PSTPIP1: variants seen among roughly 807,000 people sequenced by gnomAD.
PSTPIP1 encodes proline-serine-threonine phosphatase-interacting protein 1.
A neutral mutation model predicts 69.6 loss-of-function variants in PSTPIP1; 66 were observed. The observed-to-expected ratio is 0.95, with a 90% CI of 0.78 to 1.16. PSTPIP1 has a LOEUF of 1.16. Ranked by LOEUF, PSTPIP1 falls within the 50% of genes most tolerant of loss-of-function variation. The pLI is 0.00. For missense variants in PSTPIP1, 603 were observed against 557.4 expected (o/e 1.08, Z -0.82); for synonymous variants, 266 against 222.7 (o/e 1.19, Z -1.73).
chr15:77,030,347 C>T (rs532549063), intron 8 of PSTPIP1, among the ~76,000 whole-genome samples, 155 bp from the exon 9 acceptor site: 2 of 152,356 alleles, frequency 1.3e-5, no homozygotes, highest in Admixed American at 6.5e-5. Flanking sequence ...GTGGCCCTGA[C>T]GGGCATTCAG....
chr15:77,035,139 T>C (rs2076526333), intron 12 of PSTPIP1, among the ~76,000 whole-genome samples: 4 of 152,166 alleles, frequency 2.6e-5, no homozygotes, highest in Admixed American at 2.6e-4. Context: ...CTGGGCATCT[T>C]CCCACGAGGC....
In PSTPIP1 at chr15:77,002,347, T is replaced by C. The variant is rs74928120; in HGVS notation, c.36+6738T>C. On this transcript the variant is annotated intron_variant, in intron 1 of 14. Coordinates refer to ENST00000558012, the MANE Select transcript of PSTPIP1 (RefSeq NM_003978.5). ...TAGGATGAAAGGATGCTTCCCTACA[T>C]GTTAACACTGGTGTCTATGGATTTG... 5.8e-3 allele frequency among the ~76,000 whole-genome samples: 888 copies of C among 152,386 alleles called. 10 individuals are homozygous for C. Among genetic ancestry groups the C allele is most frequent in the African/African-American group, 0.021 (854 of 41,586 alleles).
intron 3 of PSTPIP1, among the ~76,000 whole-genome samples, chr15:77,024,999 G>A (rs2076244991): frequency 6.6e-6 from 1 of 152,164 alleles, no homozygotes; most frequent in Non-Finnish European, 1.5e-5. Context: ...CTCTAAGAAT[G>A]CAGCTAGGAG....
intron 6 of PSTPIP1, 50 bp from the exon 7 acceptor site, chr15:77,028,504 C>A: frequency 6.8e-7 from 1 of 1,470,422 alleles, no homozygotes; most frequent in South Asian, 1.3e-5. Flanking sequence ...TCCCGGGGAC[C>A]ACAGAACAGG....
At chr15:76,998,600 A>T (rs1007230291) in intron 1 of PSTPIP1, among the ~76,000 whole-genome samples, 1 of 152,180 alleles carries the variant, frequency 6.6e-6, no homozygotes, top group Admixed American at 6.5e-5. Flanking sequence ...TTGGCGATGG[A>T]TAAATGCTGA....
At chr15:77,015,938 C>T (rs751070867) in intron 1 of PSTPIP1, 17 of 456,054 alleles carry the variant, frequency 3.7e-5, no homozygotes, top group Middle Eastern at 3.3e-4. Flanking sequence ...GACTTGAGCA[C>T]GGCGGTCACA....
chr15:77,012,689 CCT>C (rs2075969907), intron 1 of PSTPIP1, among the ~76,000 whole-genome samples: 1 of 152,214 alleles, frequency 6.6e-6, no homozygotes, highest in Admixed American at 6.5e-5. Context: ...CATCCCTGTG[CCT>C]CTGTTTCCGT....
At chr15:77,036,427 C>T (rs565626365) in intron 14 of PSTPIP1, among the ~76,000 whole-genome samples, 3 of 152,134 alleles carry the variant, frequency 2.0e-5, no homozygotes, top group African/African-American at 4.8e-5. Flanking sequence ...GTCTTGCTAT[C>T]GTGCCAGGAT....
intron 1 of PSTPIP1, among the ~76,000 whole-genome samples, chr15:76,996,188 C>T (rs1186444329): frequency 6.6e-6 from 1 of 152,230 alleles, no homozygotes; most frequent in Non-Finnish European, 1.5e-5. Context: ...CCTTAGGGGT[C>T]CTTCAAGGAG....
intron 12 of PSTPIP1, among the ~76,000 whole-genome samples, chr15:77,035,132 G>T (rs534309876): frequency 6.6e-6 from 1 of 152,326 alleles, no homozygotes; most frequent in South Asian, 2.1e-4. Flanking sequence ...GTGAGGACTG[G>T]GCATCTTCCC....
chr15:77,031,074 A>C (rs2076404088), intron 9 of PSTPIP1, 106 bp from the exon 10 acceptor site: 8 of 1,106,608 alleles, frequency 7.2e-6, no homozygotes, highest in Non-Finnish European at 1.1e-5. Flanking sequence ...GGCTTCCAGC[A>C]GAGAGGGCTG....
At chr15:77,029,426 C>A (rs1568515278) in intron 7 of PSTPIP1, 103 bp from the exon 8 acceptor site, 1 of 1,391,248 alleles carries the variant, frequency 7.2e-7, no homozygotes, top group Non-Finnish European at 9.9e-7. Context: ...TGAATGTTCC[C>A]CCCAGGGTGG....
chr15:77,018,637 C>T (rs191912799), intron 3 of PSTPIP1, 106 bp downstream of exon 3: 2 of 1,224,990 alleles, frequency 1.6e-6, no homozygotes, highest in Non-Finnish European at 1.1e-6. Flanking sequence ...TGGGCAGAAC[C>T]AGGGTAGGTC....
chr15:77,013,230 AG>A (rs1218710435), intron 1 of PSTPIP1, among the ~76,000 whole-genome samples: 27 of 152,194 alleles, frequency 1.8e-4, no homozygotes, highest in African/African-American at 6.0e-4. Context: ...AGTCATCTTC[AG>A]GTGTAACCCA....
At chr15:77,036,369 G>A (rs1459226591) in intron 14 of PSTPIP1, among the ~76,000 whole-genome samples, 1 of 152,180 alleles carries the variant, frequency 6.6e-6, no homozygotes, top group Non-Finnish European at 1.5e-5. Flanking sequence ...TTTGGGTCAG[G>A]GCCCTGTCCT....
chr15:76,995,991 C>A (rs1407249500), intron 1 of PSTPIP1, among the ~76,000 whole-genome samples: 5 of 152,192 alleles, frequency 3.3e-5, no homozygotes, highest in Admixed American at 6.5e-5. Flanking sequence ...CTGTTACAGG[C>A]TGGGCAAGTC....
chr15:77,012,414 C>T (rs1238444017), intron 1 of PSTPIP1, among the ~76,000 whole-genome samples: 1 of 148,496 alleles, frequency 6.7e-6, no homozygotes, highest in Non-Finnish European at 1.5e-5. Context: ...CCCATCTACC[C>T]ATCCACCCAT....
intron 1 of PSTPIP1, among the ~76,000 whole-genome samples, chr15:76,998,484 C>G (rs1365381389): frequency 6.6e-6 from 1 of 152,196 alleles, no homozygotes; most frequent in Non-Finnish European, 1.5e-5. Flanking sequence ...TTACTCAGGT[C>G]CTATGAACTC....
intron 3 of PSTPIP1, chr15:77,023,682 T>G (rs2076210966): frequency 6.6e-6 from 1 of 152,070 alleles, no homozygotes; most frequent in South Asian, 2.1e-4. Flanking sequence ...CTGTCAGATA[T>G]GAGACCCAAA....
Sources: allele counts gnomAD v4.1 joint callset (sites outside exome capture counted in the v4.1 genomes callset), GRCh38; gene constraint gnomAD v4.1.1; transcripts MANE v1.5; gene names NCBI Gene and HGNC (gene_info 2026-07-23, HGNC 2026-07-21).